The following RARB variants were observed in gnomAD, a reference collection of about 807,000 sequenced individuals.
The protein encoded by RARB is retinoic acid receptor beta, also known as HBV-activated protein.
Under a neutral mutation model 51.9 loss-of-function variants are expected in RARB, and 17 were observed. The observed-to-expected ratio is 0.33, with a 90% CI of 0.22 to 0.49. RARB has a LOEUF of 0.49. Ranked by LOEUF, RARB falls within the 20% of genes least tolerant of loss-of-function variation. The probability of loss-of-function intolerance (pLI) is 0.99; values close to 1 mark genes in which losing one functional copy is unlikely to be tolerated. For synonymous variants in RARB, 215 were observed against 195.4 expected, an observed-to-expected ratio of 1.10 and a Z score of -0.84; for missense variants, 369 against 550.8, an observed-to-expected ratio of 0.67 and a Z score of 3.30.
chr3:25,368,123 T>G (rs553773937), intron 5 of RARB, among the ~76,000 whole-genome samples: 36 of 152,334 alleles, frequency 2.4e-4, no homozygotes, highest in Non-Finnish European at 4.4e-4. Context: ...AATCTTTCCT[T>G]TTATGAAATG....
chr3:25,213,663 T>C (rs1005829826), intron 5 of RARB, among the ~76,000 whole-genome samples: 1 of 152,178 alleles, frequency 6.6e-6, no homozygotes, highest in African/African-American at 2.4e-5. Context: ...AAAACAGCTT[T>C]TAAACAAAAT....
At chr3:24,851,781 CA>C (rs1314205100) in intron 1 of RARB, among the ~76,000 whole-genome samples, 3 of 152,128 alleles carry the variant, frequency 2.0e-5, no homozygotes, top group Non-Finnish European at 4.4e-5. Flanking sequence ...AATCCTGAGT[CA>C]AAACTACAGC....
At chr3:25,503,601 T>C (rs1697420223) in intron 3 of RARB, among the ~76,000 whole-genome samples, 1 of 152,064 alleles carries the variant, frequency 6.6e-6, no homozygotes, top group Admixed American at 6.6e-5. Flanking sequence ...TTTAAAAATA[T>C]AGAAATGGGA....
At chr3:25,095,787 A>G (rs183781076) in intron 3 of RARB, among the ~76,000 whole-genome samples, 1 of 152,278 alleles carries the variant, frequency 6.6e-6, no homozygotes, top group African/African-American at 2.4e-5. Context: ...TGATAGAAAT[A>G]AGTATTGTCA....
At chr3:25,227,767 C>T (rs544474494) in intron 5 of RARB, among the ~76,000 whole-genome samples, 1 of 152,082 alleles carries the variant, frequency 6.6e-6, no homozygotes, top group African/African-American at 2.4e-5. Context: ...CAGTGACCAT[C>T]CCTTCATTTC....
At chr3:25,402,594 C>T (rs1238108744) in intron 5 of RARB, among the ~76,000 whole-genome samples, 1 of 152,114 alleles carries the variant, frequency 6.6e-6, no homozygotes, top group Non-Finnish European at 1.5e-5. Flanking sequence ...AAATGTGATA[C>T]ATATACACAA....
intron 2 of RARB, among the ~76,000 whole-genome samples, chr3:25,495,327 T>G (rs751182150): frequency 5.3e-5 from 8 of 152,226 alleles, no homozygotes; most frequent in Non-Finnish European, 1.2e-4. Flanking sequence ...CCATGTCCTT[T>G]CTTGATTTGT....
chr3:25,041,709 A>G (rs1425957002), intron 2 of RARB, among the ~76,000 whole-genome samples: 1 of 152,090 alleles, frequency 6.6e-6, no homozygotes, highest in African/African-American at 2.4e-5. Context: ...TGTGCCTTAT[A>G]CATTTATTTT....
At chr3:25,231,926 A>AT (rs540111805) in intron 5 of RARB, among the ~76,000 whole-genome samples, 16 of 151,440 alleles carry the variant, frequency 1.1e-4, no homozygotes, top group Non-Finnish European at 1.5e-4. Flanking sequence ...AACTCAATAT[A>AT]TTTTTTTTTC....
chr3:24,896,744 C>T (rs1221568628), intron 2 of RARB, among the ~76,000 whole-genome samples: 1 of 152,128 alleles, frequency 6.6e-6, no homozygotes, highest in Non-Finnish European at 1.5e-5. Context: ...TCCTATTTCT[C>T]CCAAGCTTGT....
At chr3:25,588,720 C>T (rs1013436119) in intron 5 of RARB, among the ~76,000 whole-genome samples, 2 of 152,194 alleles carry the variant, frequency 1.3e-5, no homozygotes, top group East Asian at 1.9e-4. Flanking sequence ...CCTCCACAAT[C>T]GCTCATCACA....
At chr3:25,488,593 G>A (rs1165311372) in intron 2 of RARB, among the ~76,000 whole-genome samples, 1 of 152,196 alleles carries the variant, frequency 6.6e-6, no homozygotes, top group Admixed American at 6.5e-5. Context: ...TTTTGGAGTG[G>A]GTTATAGCAT....
At chr3:25,071,389 C>A (rs1310674009) in intron 3 of RARB, among the ~76,000 whole-genome samples, 1 of 152,166 alleles carries the variant, frequency 6.6e-6, no homozygotes, top group Non-Finnish European at 1.5e-5. Flanking sequence ...TTTGCAGAAA[C>A]ACAACCACAC....
chr3:25,346,362 T>C, intron 5 of RARB, among the ~76,000 whole-genome samples: 1 of 152,210 alleles, frequency 6.6e-6, no homozygotes. Context: ...TATTTGTGTC[T>C]TTTATAGTCA....
chr3:25,136,752 TG>T (rs1166286191), intron 4 of RARB, among the ~76,000 whole-genome samples: 1 of 151,776 alleles, frequency 6.6e-6, no homozygotes, highest in East Asian at 1.9e-4. Flanking sequence ...CACCAAAGGA[TG>T]GGGGGAGAGT....
chr3:24,914,839 T>G (rs1182621495), intron 2 of RARB, among the ~76,000 whole-genome samples: 1 of 152,190 alleles, frequency 6.6e-6, no homozygotes, highest in African/African-American at 2.4e-5. Context: ...AATGATGTGG[T>G]AATCTCAGTA....
chr3:25,345,717 T>C (rs1427136642), intron 5 of RARB, among the ~76,000 whole-genome samples: 1 of 151,954 alleles, frequency 6.6e-6, no homozygotes, highest in African/African-American at 2.4e-5. Context: ...AAGTGGAATT[T>C]AGGAAAAGCT....
chr3:25,148,223 CA>C (rs1325203493), intron 4 of RARB, among the ~76,000 whole-genome samples: 1 of 151,772 alleles, frequency 6.6e-6, no homozygotes, highest in Non-Finnish European at 1.5e-5. Flanking sequence ...ATGAGCCAAT[CA>C]GGGGGGCATT....
At position 25,428,489 on chromosome 3, in the gene RARB, ACCCCCCGCCCC is replaced by A. The variant is rs1708069533; in HGVS notation, c.-242_-232del. 1 of 1,266,514 alleles carries A rather than the reference ACCCCCCGCCCC, an allele frequency of 7.9e-7. No individual in the cohort carries two copies. The allele number at this position is 1,266,514 out of a possible 1,614,324, so 78.5% of individuals were successfully genotyped here. A position where few individuals can be genotyped will look rare whatever the true frequency, so the allele number is the denominator to read the frequency against. On this transcript the variant is annotated 5_prime_UTR_variant, in exon 1 of 8. Coordinates refer to ENST00000330688, the MANE Select transcript of RARB (RefSeq NM_000965.5). ...AGGAGAACTTGGGATCTTTCTGGGAACCCCCCGCCCCGGCTGGATTGGCCGAGCAAGCCTGG... is the reference window on the plus strand; with the variant it reads ...AGGAGAACTTGGGATCTTTCTGGGAAGGCTGGATTGGCCGAGCAAGCCTGG...
Sources: gnomAD v4.1 joint callset for allele counts (sites outside exome capture counted in the v4.1 genomes callset) on GRCh38, gnomAD v4.1.1 for gene constraint, MANE v1.5 for transcripts, NCBI Gene and HGNC (gene_info 2026-07-23, HGNC 2026-07-21) for gene names.